FMNL2: variants seen among roughly 807,000 people sequenced by gnomAD.
FMNL2 encodes formin like 2.
FMNL2 carries 51 observed loss-of-function variants against 130.2 expected under a neutral mutation model. The ratio of observed to expected loss-of-function variants is 0.39; its 90% confidence interval spans 0.31 to 0.49. The LOEUF (loss-of-function observed/expected upper bound fraction) is 0.49. Among genes scored for constraint, FMNL2 ranks in the 20% least tolerant of loss-of-function variants. The probability of loss-of-function intolerance (pLI) is 0.85; values close to 1 mark genes in which losing one functional copy is unlikely to be tolerated. For synonymous variants in FMNL2, 465 were observed against 467.1 expected (o/e 1.00, Z 0.06); for missense variants, 977 against 1,316.2 (o/e 0.74, Z 3.99).
chr2:152,561,410 G>T (rs535372214), intron 6 of FMNL2, among the ~76,000 whole-genome samples: 187 of 152,194 alleles, frequency 1.2e-3, no homozygotes, highest in Non-Finnish European at 2.1e-3. Flanking sequence ...TCTGCCCTTT[G>T]TTACCCTTTG....
chr2:152,416,980 C>T (rs535355950), intron 1 of FMNL2, among the ~76,000 whole-genome samples: 1 of 152,288 alleles, frequency 6.6e-6, no homozygotes, highest in African/African-American at 2.4e-5. Flanking sequence ...CCAAGGAGGG[C>T]TGAAATAAGT....
At position 152,396,785 on chromosome 2, in the gene FMNL2, G is replaced by T. The variant is rs191481572; in HGVS notation, c.117+61065G>T. 2.6e-3 allele frequency among the ~76,000 whole-genome samples: 389 copies of T among 152,250 alleles called. 1 individual carries two copies. The highest frequency in any genetic ancestry group is 0.01 in the Middle Eastern group (3 of 294). The stretch of plus-strand genomic sequence containing the variant: ...TCTTTTGTCTTAAATTCATGCTCAT[G>T]TGACTTTCCACTTGCCATTTAGAGT... On this transcript the variant is annotated intron_variant, in intron 1 of 25. Coordinates refer to ENST00000288670, the MANE Select transcript of FMNL2 (RefSeq NM_052905.4).
At chr2:152,637,342 C>T (rs1474804819) in intron 22 of FMNL2, among the ~76,000 whole-genome samples, 1 of 152,106 alleles carries the variant, frequency 6.6e-6, no homozygotes, top group Non-Finnish European at 1.5e-5. Context: ...GGCAGGAGGT[C>T]CTGCAGATGA....
chr2:152,628,524 G>A lies in FMNL2; in HGVS notation c.2391G>A (p.Met797Ile). The change falls in exon 18 of 26, where the codon ATG becomes ATA. Residue 797 changes from methionine (M) to isoleucine (I), a missense_variant. By Grantham distance (10) the Met-to-Ile change is conservative. Transcript: ENST00000288670. Reference protein sequence around the residue: ...FIGNFAESIQMLTPQLHAIIA... With the variant: ...FIGNFAESIQILTPQLHAIIA... ...GGAACTTTGCTGAAAGCATTCAGATGCTGACTCCTGTGAGTGGACTGACTC... is the reference window on the plus strand; with the variant it reads ...GGAACTTTGCTGAAAGCATTCAGATACTGACTCCTGTGAGTGGACTGACTC... The A allele has an allele frequency of 6.2e-7, 1 of 1,613,740 alleles. No individual in the cohort carries two copies. The highest frequency in any genetic ancestry group is 1.3e-5 in the African/African-American group (1 of 75,044).
intron 3 of FMNL2, 88 bp downstream of exon 3, chr2:152,542,907 G>A (rs972615934): frequency 4.1e-5 from 58 of 1,406,062 alleles, no homozygotes; most frequent in South Asian, 3.5e-4. Flanking sequence ...TCCTTCCTCT[G>A]CATTAGAGCC....
rs1683785732 is a variant in FMNL2 at position 152,648,183 on chromosome 2, A to AAAG, written c.*279_*281dup. 2 of 361,440 alleles carry AAAG rather than the reference A, an allele frequency of 5.5e-6. No individual in the cohort carries two copies. The highest frequency in any genetic ancestry group is 4.3e-5 in the African/African-American group (2 of 47,024). 22.4% of individuals were successfully genotyped at this position (361,440 alleles called of 1,614,324 possible). The stretch of plus-strand genomic sequence containing the variant: ...AGTATGTTATTTTTAACCAAAATGT[A>AAAG]AAGTTCTTATTAAACTCATTACCTG... On this transcript the variant is annotated 3_prime_UTR_variant, in exon 26 of 26. Transcript: ENST00000288670.
intron 1 of FMNL2, among the ~76,000 whole-genome samples, chr2:152,437,252 C>A (rs1687817065): frequency 6.6e-6 from 1 of 152,152 alleles, no homozygotes; most frequent in Non-Finnish European, 1.5e-5. Flanking sequence ...AAAACATTCA[C>A]TCCATAGCAG....
intron 1 of FMNL2, among the ~76,000 whole-genome samples, chr2:152,346,428 T>C (rs1468077497): frequency 6.6e-6 from 1 of 152,012 alleles, no homozygotes; most frequent in Admixed American, 6.6e-5. Context: ...GGAGAACTGC[T>C]TGAGGCCTGG....
chr2:152,426,764 T>A (rs192291334), intron 1 of FMNL2, among the ~76,000 whole-genome samples: 2 of 152,304 alleles, frequency 1.3e-5, no homozygotes, highest in African/African-American at 4.8e-5. Flanking sequence ...TTAGAAAAGC[T>A]GTTTATAGCC....
chr2:152,429,950 G>A (rs1194371842), intron 1 of FMNL2, among the ~76,000 whole-genome samples: 1 of 152,096 alleles, frequency 6.6e-6, no homozygotes, highest in East Asian at 1.9e-4. Context: ...TAAAAGATGT[G>A]GCATAGGTGA....
In FMNL2 at chr2:152,345,364, T is replaced by C. The variant is rs79093154; in HGVS notation, c.117+9644T>C. ...TTGAATAAAAAAGGAATAACATTCT[T>C]TTTTTTATTGGCATAGAAGGAAGCA... On this transcript the variant is annotated intron_variant, in intron 1 of 25. Transcript: ENST00000288670. Among the ~76,000 whole-genome samples, 93 of 152,268 alleles carry C rather than the reference T, an allele frequency of 6.1e-4. 1 individual carries two copies. Among genetic ancestry groups the C allele is most frequent in the Middle Eastern group, 3.4e-3 (1 of 294 alleles).
At chr2:152,468,617 A>G (rs1335037412) in intron 1 of FMNL2, among the ~76,000 whole-genome samples, 1 of 152,234 alleles carries the variant, frequency 6.6e-6, no homozygotes, top group East Asian at 1.9e-4. Flanking sequence ...TGTTGGTTAC[A>G]TATTGAAATG....
intron 1 of FMNL2, among the ~76,000 whole-genome samples, chr2:152,421,538 A>G (rs1005553064): frequency 6.6e-6 from 1 of 152,210 alleles, no homozygotes; most frequent in Non-Finnish European, 1.5e-5. Context: ...TGTGAAATGC[A>G]CAGACATGAC....
At chr2:152,497,323 TG>T (rs1425271853) in intron 1 of FMNL2, among the ~76,000 whole-genome samples, 1 of 152,170 alleles carries the variant, frequency 6.6e-6, no homozygotes, top group East Asian at 1.9e-4. Context: ...CATTTTTTTT[TG>T]TTTTTAGTGT....
At chr2:152,484,900 G>A (rs1003215219) in intron 1 of FMNL2, among the ~76,000 whole-genome samples, 1 of 152,212 alleles carries the variant, frequency 6.6e-6, no homozygotes. Flanking sequence ...AATGGTTCCT[G>A]TCTTGGGAAA....
chr2:152,527,613 C>G (rs1164081388), intron 2 of FMNL2, among the ~76,000 whole-genome samples: 1 of 152,106 alleles, frequency 6.6e-6, no homozygotes, highest in Non-Finnish European at 1.5e-5. Flanking sequence ...ATAGATACCT[C>G]ATAAGATGAC....
At chr2:152,388,858 T>C (rs1052299671) in intron 1 of FMNL2, among the ~76,000 whole-genome samples, 8 of 152,006 alleles carry the variant, frequency 5.3e-5, no homozygotes, top group Non-Finnish European at 8.8e-5. Context: ...TGTGGATGTC[T>C]ATGACTGTCT....
intron 1 of FMNL2, among the ~76,000 whole-genome samples, chr2:152,435,176 A>G (rs1687685660): frequency 6.6e-6 from 1 of 152,072 alleles, no homozygotes; most frequent in African/African-American, 2.4e-5. Context: ...TGCTCTCTTC[A>G]CACACTTGTT....
intron 1 of FMNL2, among the ~76,000 whole-genome samples, chr2:152,441,640 C>T (rs553885648): frequency 1.3e-5 from 2 of 152,206 alleles, no homozygotes; most frequent in African/African-American, 2.4e-5. Flanking sequence ...AGTTCGAGAG[C>T]AGCTTGACCA....
Sources: allele counts gnomAD v4.1 joint callset (sites outside exome capture counted in the v4.1 genomes callset), GRCh38; gene constraint gnomAD v4.1.1; transcripts MANE v1.5; gene names NCBI Gene and HGNC (gene_info 2026-07-23, HGNC 2026-07-21).